Variants in GPBP1L1 observed in about 807,000 individuals in gnomAD.
The protein encoded by GPBP1L1 is vasculin-like protein 1.
Under a neutral mutation model 52.5 loss-of-function variants are expected in GPBP1L1, and 23 were observed. The ratio of observed to expected loss-of-function variants is 0.44; its 90% confidence interval spans 0.32 to 0.62. The LOEUF is 0.62. Ranked by LOEUF, GPBP1L1 falls within the 20% of genes least tolerant of loss-of-function variation. The pLI is 0.06. For missense variants in GPBP1L1, 596 were observed against 579.3 expected, an observed-to-expected ratio of 1.03 and a Z score of -0.30; for synonymous variants, 243 against 203.1, an observed-to-expected ratio of 1.20 and a Z score of -1.67.
At position 45,629,559 on chromosome 1, in the gene GPBP1L1, G is replaced by C; in HGVS notation, c.1272+17C>G. 6.8e-7 allele frequency: 1 copy of C among 1,475,980 alleles called. No individual in the cohort carries two copies. The highest frequency in any genetic ancestry group is 9.4e-7 in the Non-Finnish European group (1 of 1,064,076). 91.4% of individuals were successfully genotyped at this position (1,475,980 alleles called of 1,614,324 possible). A position where few individuals can be genotyped will look rare whatever the true frequency, so the allele number is the denominator to read the frequency against. The stretch of plus-strand genomic sequence containing the variant: ...CTGGTTACTAACTGGTCTCTAGGAA[G>C]AAGGTTTACAACATACCTGCTCTGT... On this transcript the variant is annotated intron_variant, in intron 12 of 12. Transcript: ENST00000355105.
intron 6 of GPBP1L1, among the ~76,000 whole-genome samples, chr1:45,649,126 A>G (rs1644789524): frequency 6.6e-6 from 1 of 152,216 alleles, no homozygotes; most frequent in Non-Finnish European, 1.5e-5. Context: ...TCCACACTCA[A>G]AAAGTTTTAG....
At position 45,654,809 on chromosome 1, in the gene GPBP1L1, G is replaced by C. The variant is rs777651227; in HGVS notation, c.211C>G (p.Leu71Val). The C allele has an allele frequency of 1.9e-6, 3 of 1,614,062 alleles. No individual in the cohort carries two copies. The highest frequency in any genetic ancestry group is 1.1e-5 in the South Asian group (1 of 91,070). Residue 71 changes from leucine (L) to valine (V), a missense_variant, in exon 6 of 13, where the codon CTG becomes GTG. Leu to Val is a conservative substitution (Grantham distance 32). Transcript: ENST00000355105. ...GAGTCCACAGAATCATGGCGGAACA[G>C]GGAGGGCTGGTGCCAAGAATCTAGA... Reference protein sequence around the residue: ...TAGDSWHQPSLFRHDSVDSGV... With the variant: ...TAGDSWHQPSVFRHDSVDSGV...
chr1:45,658,058 G>A (rs776155095), intron 4 of GPBP1L1, among the ~76,000 whole-genome samples: 7 of 152,092 alleles, frequency 4.6e-5, no homozygotes, highest in East Asian at 1.9e-4. Flanking sequence ...CTTCCCAAAC[G>A]TTTTATCAAT....
At chr1:45,672,144 C>T (rs558845914) in intron 2 of GPBP1L1, among the ~76,000 whole-genome samples, 20 of 152,202 alleles carry the variant, frequency 1.3e-4, no homozygotes, top group Admixed American at 9.2e-4. Context: ...AGGCAAATCA[C>T]GAGGTCAGGA....
In GPBP1L1 at chr1:45,628,037, A is replaced by G; in HGVS notation, c.*219T>C. 3 of 510,274 alleles carry G rather than the reference A, an allele frequency of 5.9e-6. No individual in the cohort carries two copies. Among genetic ancestry groups the G allele is most frequent in the South Asian group, 4.4e-5 (2 of 45,874 alleles). The allele number at this position is 510,274 out of a possible 1,614,324, so 31.6% of individuals were successfully genotyped here. On this transcript the variant is annotated 3_prime_UTR_variant, in exon 13 of 13. Transcript: ENST00000355105. ...GTGTGTGTGTGAGTGTGTTTAAAAA[A>G]TCTGTCCCACCACACAAACTTCTCT...
At chr1:45,665,743 TAAAAAA>T (rs949281797) in intron 2 of GPBP1L1, among the ~76,000 whole-genome samples, 2 of 109,708 alleles carry the variant, frequency 1.8e-5, no homozygotes, top group East Asian at 2.5e-4. Flanking sequence ...GACGCCGTCT[TAAAAAA>T]AAAAAAAAAA....
At chr1:45,647,949 CTTT>C (rs1001087630) in intron 6 of GPBP1L1, among the ~76,000 whole-genome samples, 1 of 150,852 alleles carries the variant, frequency 6.6e-6, no homozygotes, top group African/African-American at 2.4e-5. Context: ...ATGTTTTTTT[CTTT>C]TTTTTTGAGA....
At chr1:45,682,640 T>C in intron 2 of GPBP1L1, among the ~76,000 whole-genome samples, 1 of 152,222 alleles carries the variant, frequency 6.6e-6, no homozygotes, top group Non-Finnish European at 1.5e-5. Context: ...AATAAATGAT[T>C]GAGCTGTTTT....
rs144406702 is a variant in GPBP1L1 at position 45,659,082 on chromosome 1, C to T, written c.6G>A (p.Ala2=). The change falls in exon 4 of 13, where the codon GCG becomes GCA. Residue 2 remains alanine, a synonymous_variant. Transcript: ENST00000355105. ...GCCAAGCAGGAACAAAATCATGCTG[C>T]GCCATTTAGGTCCAGTGTCTCCTTT... M[A]QHDFVPAWLN... is the part of the protein sequence containing the mutation. The T allele has an allele frequency of 8.7e-6, 14 of 1,613,976 alleles. No individual in the cohort carries two copies. Among genetic ancestry groups the T allele is most frequent in the African/African-American group, 6.7e-5 (5 of 74,916 alleles).
chr1:45,642,202 G>C (rs1183422017), intron 7 of GPBP1L1, among the ~76,000 whole-genome samples: 1 of 152,110 alleles, frequency 6.6e-6, no homozygotes, highest in Admixed American at 6.5e-5. Context: ...TAAGTTCTCA[G>C]TTGTCTGTAT....
chr1:45,658,860 T>G, intron 4 of GPBP1L1, 168 bp downstream of exon 4: 1 of 583,354 alleles, frequency 1.7e-6, no homozygotes, highest in Non-Finnish European at 3.1e-6. Context: ...GAGGACTGCC[T>G]GAGCCCAGGA....
At chr1:45,650,326 T>C (rs1430422126) in intron 6 of GPBP1L1, among the ~76,000 whole-genome samples, 1 of 152,180 alleles carries the variant, frequency 6.6e-6, no homozygotes, top group South Asian at 2.1e-4. Context: ...CTTGTCAATT[T>C]TGAAAGGCCA....
intron 2 of GPBP1L1, among the ~76,000 whole-genome samples, chr1:45,678,085 T>C (rs1645168291): frequency 6.6e-6 from 1 of 152,120 alleles, no homozygotes; most frequent in Admixed American, 6.5e-5. Context: ...TATACTTATA[T>C]GAAACATCCA....
Position 45,655,198 on chromosome 1 carries a change from G to A in GPBP1L1, c.182C>T (p.Thr61Ile), listed in dbSNP as rs149113689. ...AGTTGGACATGGCTCACCTCCTGCA[G>A]TTCGTAGGGGACCATTGTTAAAAAA... ...DGFFNNGPLR[T>I]AGDSWHQPSL... The change falls in exon 5 of 13, where the codon ACT becomes ATT. Residue 61 changes from threonine to isoleucine, a missense_variant. Thr to Ile is a moderately conservative substitution (Grantham distance 89). Coordinates refer to ENST00000355105, the MANE Select transcript of GPBP1L1 (RefSeq NM_021639.5). 3.1e-6 allele frequency: 5 copies of A among 1,613,980 alleles called. No homozygotes were observed. The African/African-American group carries it at 6.7e-5, about 22-fold the overall frequency.
chr1:45,668,158 T>C (rs1422249499), intron 2 of GPBP1L1, among the ~76,000 whole-genome samples: 2 of 152,158 alleles, frequency 1.3e-5, no homozygotes, highest in Non-Finnish European at 2.9e-5. Context: ...CTGGTACCCC[T>C]CTATTTTCAA....
At chr1:45,648,135 T>C (rs903987825) in intron 6 of GPBP1L1, among the ~76,000 whole-genome samples, 9 of 152,114 alleles carry the variant, frequency 5.9e-5, no homozygotes, top group Non-Finnish European at 1.0e-4. Flanking sequence ...GACAAAAGTT[T>C]CACCACGTTG....
At chr1:45,662,735 CT>C (rs1644961007) in intron 2 of GPBP1L1, among the ~76,000 whole-genome samples, 1 of 152,078 alleles carries the variant, frequency 6.6e-6, no homozygotes, top group Non-Finnish European at 1.5e-5. Context: ...ACTTATTGCT[CT>C]TTTTATAAAC....
intron 2 of GPBP1L1, among the ~76,000 whole-genome samples, chr1:45,676,647 T>G (rs1569883873): frequency 1.3e-5 from 2 of 148,358 alleles, no homozygotes; most frequent in South Asian, 2.1e-4. Flanking sequence ...GAGGCAGAGG[T>G]TGCAGTGAGC....
In GPBP1L1 at chr1:45,683,306, T is replaced by C. The variant is rs369206375; in HGVS notation, c.-1098+2270A>G. Among the ~76,000 whole-genome samples, 33 of 142,160 alleles carry C rather than the reference T, an allele frequency of 2.3e-4. No homozygotes were observed. The East Asian group carries it at 6.5e-3, about 28-fold the overall frequency. 93.3% of individuals were successfully genotyped at this position (142,160 alleles called of 152,430 possible). A position where few individuals can be genotyped will look rare whatever the true frequency, so the allele number is the denominator to read the frequency against. Reference sequence around the variant, plus strand: ...CTGGAAGCTCTGCCTTCCGGATTCATGCCATTCTCCAGCCTCAGCCTCCCG... The same window carrying C: ...CTGGAAGCTCTGCCTTCCGGATTCACGCCATTCTCCAGCCTCAGCCTCCCG... On this transcript the variant is annotated intron_variant, in intron 2 of 12. Transcript: ENST00000355105.
Sources: allele counts gnomAD v4.1 joint callset (sites outside exome capture counted in the v4.1 genomes callset), GRCh38; gene constraint gnomAD v4.1.1; transcripts MANE v1.5; gene names NCBI Gene and HGNC (gene_info 2026-07-23, HGNC 2026-07-21).